The following CD96 variants were observed in gnomAD, a reference collection of about 807,000 sequenced individuals.
CD96 encodes T-cell surface protein tactile.
Under a neutral mutation model 71.3 loss-of-function variants are expected in CD96, and 70 were observed. That is an observed-to-expected ratio of 0.98 (90% CI 0.81 to 1.20). CD96 has a LOEUF of 1.20. CD96 is among the 50% of genes most tolerant of loss of function. The pLI is 0.00. For missense variants in CD96, 742 were observed against 677.5 expected (o/e 1.10, Z -1.06); for synonymous variants, 248 against 233.0 (o/e 1.06, Z -0.59).
chr3:111,616,471 G>C (rs1194199925), intron 8 of CD96, among the ~76,000 whole-genome samples: 1 of 152,082 alleles, frequency 6.6e-6, no homozygotes, highest in African/African-American at 2.4e-5. Flanking sequence ...GACAGGAAGA[G>C]AAGCTATCAA....
rs143049331 is a variant in CD96, at chr3:111,579,163, G to A, written c.680G>A (p.Arg227Gln). 2.1e-4 allele frequency: 333 copies of A among 1,609,396 alleles called. 1 individual carries two copies. The East Asian group carries it at 4.8e-3, about 23-fold the overall frequency. ...CCAGTCCAAATCTTCGATGATGGGC[G>A]GAAGTTCTCTTGCCACATTAGAGTC... Reference protein sequence around the residue: ...LSPVQIFDDGRKFSCHIRVGP... With the variant: ...LSPVQIFDDGQKFSCHIRVGP... Residue 227 changes from arginine (R) to glutamine (Q), a missense_variant, in exon 4 of 14, where the codon CGG (arginine) becomes CAG (glutamine). Transcript: ENST00000352690.
At chr3:111,544,150 T>C (rs1934258871) in intron 1 of CD96, among the ~76,000 whole-genome samples, 1 of 152,034 alleles carries the variant, frequency 6.6e-6, no homozygotes, top group Non-Finnish European at 1.5e-5. Context: ...TTTTGTTTCG[T>C]TTTTCGTTTT....
At chr3:111,621,841 A>G (rs1938533066) in intron 8 of CD96, among the ~76,000 whole-genome samples, 1 of 152,318 alleles carries the variant, frequency 6.6e-6, no homozygotes, top group South Asian at 2.1e-4. Flanking sequence ...TCAGTACTAT[A>G]TAAGAGCAAT....
chr3:111,582,774 T>C (rs1936527133), intron 4 of CD96, among the ~76,000 whole-genome samples: 1 of 152,148 alleles, frequency 6.6e-6, no homozygotes, highest in South Asian at 2.1e-4. Context: ...CTCATGAGAC[T>C]TATTCACTAT....
chr3:111,591,449 TTG>T, intron 5 of CD96, among the ~76,000 whole-genome samples: 1 of 151,956 alleles, frequency 6.6e-6, no homozygotes, highest in Admixed American at 6.6e-5. Flanking sequence ...TCCAGCATCT[TTG>T]TGCAGAATTT....
intron 2 of CD96, among the ~76,000 whole-genome samples, chr3:111,565,816 A>G (rs1935681055): frequency 6.6e-6 from 1 of 151,702 alleles, no homozygotes; most frequent in South Asian, 2.1e-4. Context: ...ATATATAACC[A>G]CTATTTGGAA....
At chr3:111,649,580 G>A (rs1443256514) in intron 13 of CD96, 118 bp from the exon 14 acceptor site, 1 of 738,078 alleles carries the variant, frequency 1.4e-6, no homozygotes, top group African/African-American at 1.7e-5. Flanking sequence ...AACTGGGAGA[G>A]TATGTCTCTT....
rs1321941920 is a variant in CD96, at chr3:111,545,389, C to T, written c.405C>T (p.Leu135=). 3.2e-6 allele frequency: 5 copies of T among 1,585,150 alleles called. No homozygotes were observed. The highest frequency in any genetic ancestry group is 3.5e-6 in the Non-Finnish European group (4 of 1,153,722). ...TTCAGACTAAAATCTACAACCTTCT[C>T]ATTCAGACACACGGTAAGCATAACT... ...EGIQTKIYNL[L]IQTHVTADEW... The change falls in exon 2 of 14, where the codon CTC becomes CTT. Residue 135 remains leucine (L), a synonymous_variant. Transcript: ENST00000352690.
chr3:111,645,813 A>G (rs767384105), intron 12 of CD96, among the ~76,000 whole-genome samples: 1 of 152,172 alleles, frequency 6.6e-6, no homozygotes, highest in African/African-American at 2.4e-5. Flanking sequence ...CAGGGGTGAG[A>G]ATCAGGAAGA....
At chr3:111,649,630 G>A in intron 13 of CD96, 68 bp from the exon 14 acceptor site, 1 of 917,700 alleles carries the variant, frequency 1.1e-6, no homozygotes, top group Non-Finnish European at 1.8e-6. Flanking sequence ...AACAACACAT[G>A]TCTGTGTGTG....
intron 10 of CD96, 55 bp from the exon 11 acceptor site, chr3:111,637,141 G>A (rs946235238): frequency 3.4e-6 from 3 of 888,128 alleles, no homozygotes; most frequent in Non-Finnish European, 3.9e-6. Flanking sequence ...TAGCAGTCAA[G>A]AAGTGGTAAT....
chr3:111,543,420 G>T (rs949483827), intron 1 of CD96, among the ~76,000 whole-genome samples: 1 of 152,074 alleles, frequency 6.6e-6, no homozygotes, highest in Non-Finnish European at 1.5e-5. Context: ...TCAGACCATC[G>T]ATTAGAGGTG....
chr3:111,634,392 A>G (rs989233668), intron 10 of CD96: 4 of 152,348 alleles, frequency 2.6e-5, no homozygotes, highest in Non-Finnish European at 5.9e-5. Context: ...GAGAAGCTCC[A>G]ATAACACAGT....
chr3:111,561,387 G>A (rs1487146407), intron 2 of CD96, among the ~76,000 whole-genome samples: 6 of 145,374 alleles, frequency 4.1e-5, no homozygotes, highest in East Asian at 2.1e-4. Context: ...ATGGGTTTTC[G>A]GTGTGGATGT....
chr3:111,574,781 T>G (rs1481550741), intron 3 of CD96, among the ~76,000 whole-genome samples: 15 of 142,932 alleles, frequency 1.0e-4, no homozygotes, highest in Non-Finnish European at 2.3e-4. Flanking sequence ...AAAATATGAA[T>G]TTTTAGATTT....
At chr3:111,568,106 A>T (rs576911932) in intron 3 of CD96, among the ~76,000 whole-genome samples, 69 of 152,336 alleles carry the variant, frequency 4.5e-4, no homozygotes, top group South Asian at 1.9e-3. Context: ...AATGCTTGTG[A>T]AATATAAGCA....
intron 5 of CD96, 112 bp from the exon 6 acceptor site, chr3:111,598,008 A>T: frequency 1.4e-6 from 1 of 729,866 alleles, no homozygotes; most frequent in Non-Finnish European, 2.5e-6. Flanking sequence ...CTATTTATTC[A>T]GTTAAAAATG....
intron 4 of CD96, among the ~76,000 whole-genome samples, chr3:111,583,081 CTAG>C (rs1288398940): frequency 1.3e-5 from 2 of 152,206 alleles, no homozygotes; most frequent in African/African-American, 4.8e-5. Context: ...TAGTTACTTT[CTAG>C]ATATAATGGG....
At chr3:111,604,240 G>A (rs1200253596) in intron 7 of CD96, among the ~76,000 whole-genome samples, 2 of 152,118 alleles carry the variant, frequency 1.3e-5, no homozygotes, top group East Asian at 3.9e-4. Context: ...GGTTCTGAGA[G>A]CCCTGCCAAG....
Sources: gnomAD v4.1 joint callset for allele counts (sites outside exome capture counted in the v4.1 genomes callset) on GRCh38, gnomAD v4.1.1 for gene constraint, MANE v1.5 for transcripts, NCBI Gene and HGNC (gene_info 2026-07-23, HGNC 2026-07-21) for gene names.